STXBP6: variants seen among roughly 807,000 people sequenced by gnomAD.
STXBP6 encodes the protein syntaxin binding protein 6.
STXBP6 carries 21 observed loss-of-function variants against 26.9 expected under a neutral mutation model. The observed-to-expected ratio is 0.78, with a 90% CI of 0.55 to 1.12. STXBP6 has a LOEUF of 1.12. Among genes scored for constraint, STXBP6 ranks in the 50% most tolerant of loss-of-function variants. STXBP6 has a pLI of 0.00. For synonymous variants in STXBP6, 97 were observed against 92.6 expected, an observed-to-expected ratio of 1.05 and a Z score of -0.27; for missense variants, 232 against 257.9, an observed-to-expected ratio of 0.90 and a Z score of 0.69.
intron 1 of STXBP6, among the ~76,000 whole-genome samples, chr14:25,014,184 A>C (rs1227031706): frequency 6.6e-6 from 1 of 152,170 alleles, no homozygotes; most frequent in Non-Finnish European, 1.5e-5. Context: ...GTACGTTTGA[A>C]ATTTTCTGTA....
chr14:24,880,323 A>G (rs1399236714), intron 2 of STXBP6, among the ~76,000 whole-genome samples: 1 of 152,220 alleles, frequency 6.6e-6, no homozygotes, highest in Non-Finnish European at 1.5e-5. Flanking sequence ...CACAGGAGCA[A>G]AGATTGTGAA....
intron 2 of STXBP6, among the ~76,000 whole-genome samples, chr14:24,905,046 A>C (rs1329343485): frequency 6.6e-6 from 1 of 152,176 alleles, no homozygotes; most frequent in Non-Finnish European, 1.5e-5. Flanking sequence ...TTTGTATCTA[A>C]GTTTCTCATA....
At chr14:24,881,766 C>A (rs1192059627) in intron 2 of STXBP6, among the ~76,000 whole-genome samples, 1 of 152,160 alleles carries the variant, frequency 6.6e-6, no homozygotes, top group African/African-American at 2.4e-5. Flanking sequence ...AGGCCTAGCT[C>A]CAGTCATCAC....
chr14:24,833,319 G>A (rs1226736286), intron 4 of STXBP6, among the ~76,000 whole-genome samples: 3 of 152,166 alleles, frequency 2.0e-5, no homozygotes, highest in African/African-American at 4.8e-5. Context: ...GTGGAAGAGA[G>A]GTATTCTACC....
At chr14:24,922,889 G>A (rs1037434501) in intron 2 of STXBP6, among the ~76,000 whole-genome samples, 5 of 151,974 alleles carry the variant, frequency 3.3e-5, no homozygotes, top group Non-Finnish European at 2.9e-5. Context: ...TCAGATTTGA[G>A]CCATTTTGGA....
At chr14:24,817,532 C>T (rs1034978539) in intron 5 of STXBP6, 2 of 161,786 alleles carry the variant, frequency 1.2e-5, no homozygotes, top group African/African-American at 4.8e-5. Context: ...TTCCCTTTAG[C>T]CTCCTCTACC....
intron 2 of STXBP6, among the ~76,000 whole-genome samples, chr14:24,948,790 T>A (rs890361262): frequency 4.6e-5 from 7 of 152,222 alleles, no homozygotes; most frequent in Admixed American, 1.3e-4. Context: ...TATAATTTTT[T>A]AAAATGTTGA....
intron 2 of STXBP6, among the ~76,000 whole-genome samples, chr14:24,943,692 T>TA (rs2072882736): frequency 6.6e-6 from 1 of 152,200 alleles, no homozygotes; most frequent in Non-Finnish European, 1.5e-5. Context: ...ATATATTTAA[T>TA]AAAATGTACT....
intron 2 of STXBP6, among the ~76,000 whole-genome samples, chr14:24,916,735 T>G (rs370005657): frequency 7.9e-5 from 12 of 152,224 alleles, no homozygotes; most frequent in African/African-American, 2.4e-4. Flanking sequence ...GTGTGATCCA[T>G]GGATCAACAG....
intron 4 of STXBP6, among the ~76,000 whole-genome samples, chr14:24,824,121 T>C (rs2068216937): frequency 6.6e-6 from 1 of 152,226 alleles, no homozygotes; most frequent in South Asian, 2.1e-4. Context: ...CATGTTTTTT[T>C]CTTTTTTCTA....
At chr14:24,876,357 A>G (rs550192946) in intron 2 of STXBP6, among the ~76,000 whole-genome samples, 7 of 152,324 alleles carry the variant, frequency 4.6e-5, no homozygotes, top group Middle Eastern at 3.4e-3. Context: ...TGTTAAATAC[A>G]TATTTATATT....
intron 4 of STXBP6, among the ~76,000 whole-genome samples, chr14:24,834,691 A>G (rs1051037582): frequency 6.6e-6 from 1 of 152,212 alleles, no homozygotes; most frequent in African/African-American, 2.4e-5. Flanking sequence ...CATTGTAAAT[A>G]TTCTTGAAAA....
chr14:24,849,795 A>G (rs1203658794), intron 4 of STXBP6, among the ~76,000 whole-genome samples: 1 of 152,126 alleles, frequency 6.6e-6, no homozygotes. Flanking sequence ...AAGCAACCAT[A>G]TGGTGGTGTT....
intron 4 of STXBP6, among the ~76,000 whole-genome samples, chr14:24,837,906 G>C (rs1225399120): frequency 6.6e-6 from 1 of 152,144 alleles, no homozygotes; most frequent in Non-Finnish European, 1.5e-5. Context: ...ATAACAACTG[G>C]AAAGGAAGAA....
intron 4 of STXBP6, among the ~76,000 whole-genome samples, chr14:24,845,004 A>G (rs532041787): frequency 3.6e-4 from 54 of 151,230 alleles, no homozygotes; most frequent in Admixed American, 1.4e-3. Flanking sequence ...CAATATCTCC[A>G]TCATCAAAAG....
chr14:24,850,504 A>G (rs2069115202), intron 4 of STXBP6, among the ~76,000 whole-genome samples: 9 of 152,162 alleles, frequency 5.9e-5, no homozygotes, highest in Non-Finnish European at 1.2e-4. Flanking sequence ...TGCCACATTC[A>G]AATTCTGAAT....
intron 2 of STXBP6, among the ~76,000 whole-genome samples, chr14:24,951,384 C>T (rs979007327): frequency 1.6e-4 from 7 of 43,596 alleles, no homozygotes; most frequent in African/African-American, 7.2e-4. Flanking sequence ...TATTTCTCCA[C>T]ATCCTCTCCG....
At chr14:24,987,510 A>G (rs942315246) in intron 1 of STXBP6, among the ~76,000 whole-genome samples, 1 of 152,272 alleles carries the variant, frequency 6.6e-6, no homozygotes, top group Non-Finnish European at 1.5e-5. Flanking sequence ...AGGCAAGCAC[A>G]TCAGCATGTC....
chr14:24,867,721 A>G (rs1157983824), intron 2 of STXBP6, among the ~76,000 whole-genome samples: 2 of 152,206 alleles, frequency 1.3e-5, no homozygotes, highest in Admixed American at 6.5e-5. Flanking sequence ...ACACTTTTAG[A>G]AGAAAACGAA....
Sources: allele counts gnomAD v4.1 joint callset (sites outside exome capture counted in the v4.1 genomes callset), GRCh38; gene constraint gnomAD v4.1.1; transcripts MANE v1.5; gene names NCBI Gene and HGNC (gene_info 2026-07-23, HGNC 2026-07-21).